UMAD1: variants seen among roughly 807,000 people sequenced by gnomAD.
The protein encoded by UMAD1 is UBAP1-MVB12-associated (UMA)-domain containing protein 1.
In UMAD1, 8 loss-of-function variants were observed where a neutral mutation model predicts 6.1. That is an observed-to-expected ratio of 1.30 (90% CI 0.76 to 2.35). The LOEUF is 2.35. Ranked by LOEUF, UMAD1 falls within the 30% of genes most tolerant of loss-of-function variation. The pLI is 0.00. For missense variants in UMAD1, 130 were observed against 78.4 expected (o/e 1.66, Z -2.49); for synonymous variants, 56 against 31.4 (o/e 1.78, Z -2.61).
intron 2 of UMAD1, chr7:7,736,455 A>G (rs1447339295): frequency 1.3e-5 from 2 of 152,658 alleles, no homozygotes; most frequent in African/African-American, 4.8e-5. Context: ...AGGAGGAGGA[A>G]TTCTTCTTAT....
At chr7:7,658,691 T>C (rs1179890863) in intron 1 of UMAD1, among the ~76,000 whole-genome samples, 1 of 152,218 alleles carries the variant, frequency 6.6e-6, no homozygotes, top group Non-Finnish European at 1.5e-5. Context: ...AGCTATTTGA[T>C]GTGCTGTTGG....
At chr7:7,801,188 C>G (rs1782792242) in intron 2 of UMAD1, among the ~76,000 whole-genome samples, 1 of 152,214 alleles carries the variant, frequency 6.6e-6, no homozygotes, top group East Asian at 1.9e-4. Context: ...TTCTTTCCTG[C>G]TGTAAGGATT....
At chr7:7,675,506 A>T (rs1225546407) in intron 2 of UMAD1, among the ~76,000 whole-genome samples, 1 of 152,170 alleles carries the variant, frequency 6.6e-6, no homozygotes, top group South Asian at 2.1e-4. Flanking sequence ...AGTATTATCT[A>T]CTATGGATCT....
intron 2 of UMAD1, among the ~76,000 whole-genome samples, chr7:7,767,994 A>G (rs1782023219): frequency 6.6e-6 from 1 of 152,304 alleles, no homozygotes; most frequent in East Asian, 1.9e-4. Context: ...ACATGAACAT[A>G]CTGGTTTTTC....
intron 2 of UMAD1, among the ~76,000 whole-genome samples, chr7:7,793,197 A>AT (rs1405233514): frequency 6.6e-6 from 1 of 152,194 alleles, no homozygotes; most frequent in Non-Finnish European, 1.5e-5. Context: ...TTTAATCTTT[A>AT]TAACAGCCTT....
intron 3 of UMAD1, among the ~76,000 whole-genome samples, chr7:7,834,016 C>CTTTTTTTTTTTTTTTTTTTTT (rs4034895): frequency 4.5e-5 from 5 of 110,450 alleles, no homozygotes; most frequent in African/African-American, 1.0e-4. Context: ...TTTTTCTTTT[C>CTTTTTTTTTTTTTTTTTTTTT]TTTTTTTTTT....
chr7:7,747,640 C>T (rs557865040), intron 2 of UMAD1, among the ~76,000 whole-genome samples: 1 of 152,272 alleles, frequency 6.6e-6, no homozygotes, highest in South Asian at 2.1e-4. Flanking sequence ...AGAGGAGTAA[C>T]TCAAAACAGA....
intron 2 of UMAD1, among the ~76,000 whole-genome samples, chr7:7,738,072 AC>A (rs1781394909): frequency 6.6e-6 from 1 of 151,898 alleles, no homozygotes; most frequent in African/African-American, 2.4e-5. Flanking sequence ...GAAGAATGTC[AC>A]TTTAATACAT....
chr7:7,678,795 T>C (rs1779832531), intron 2 of UMAD1, among the ~76,000 whole-genome samples: 1 of 46,064 alleles, frequency 2.2e-5, no homozygotes, highest in South Asian at 6.1e-4. Context: ...ATATATTTAG[T>C]TTATAAATAT....
intron 2 of UMAD1, among the ~76,000 whole-genome samples, chr7:7,702,057 T>C (rs1780475959): frequency 1.3e-5 from 2 of 152,212 alleles, no homozygotes; most frequent in South Asian, 4.1e-4. Context: ...TACAGAAATA[T>C]ATTCACATAT....
chr7:7,773,577 A>G (rs190838967), intron 2 of UMAD1, among the ~76,000 whole-genome samples: 40 of 152,332 alleles, frequency 2.6e-4, no homozygotes, highest in Admixed American at 5.2e-4. Flanking sequence ...ACACAATAAC[A>G]AAACCAAACA....
At chr7:7,741,131 A>G (rs919103892) in intron 2 of UMAD1, 4 of 152,208 alleles carry the variant, frequency 2.6e-5, no homozygotes, top group Admixed American at 6.5e-5. Context: ...GTGCAGTTAC[A>G]TAAACTTCTT....
chr7:7,759,029 T>C (rs1781833422), intron 2 of UMAD1, among the ~76,000 whole-genome samples: 1 of 152,232 alleles, frequency 6.6e-6, no homozygotes. Context: ...ACTAGATCTT[T>C]TCTAGCTCAA....
At chr7:7,804,840 G>C (rs556911398) in intron 3 of UMAD1, among the ~76,000 whole-genome samples, 2 of 151,806 alleles carry the variant, frequency 1.3e-5, no homozygotes, top group Non-Finnish European at 2.9e-5. Context: ...AATTAGCTGG[G>C]CACGGTGGCC....
At chr7:7,727,430 C>A (rs1781161797) in intron 2 of UMAD1, among the ~76,000 whole-genome samples, 2 of 152,030 alleles carry the variant, frequency 1.3e-5, no homozygotes, top group African/African-American at 4.8e-5. Flanking sequence ...TTATTATTGT[C>A]TTTATTTGAA....
chr7:7,775,491 C>T (rs967774348), intron 2 of UMAD1, among the ~76,000 whole-genome samples: 15 of 152,164 alleles, frequency 9.9e-5, no homozygotes, highest in Non-Finnish European at 1.9e-4. Flanking sequence ...GTGCCTTCCG[C>T]CATGATTGTA....
intron 2 of UMAD1, among the ~76,000 whole-genome samples, chr7:7,783,912 C>T (rs1443234685): frequency 1.3e-5 from 2 of 152,110 alleles, no homozygotes; most frequent in African/African-American, 2.4e-5. Flanking sequence ...TAATTCAGTA[C>T]ATTCACCAAA....
chr7:7,768,623 G>A (rs534048586), intron 2 of UMAD1, among the ~76,000 whole-genome samples: 4 of 151,910 alleles, frequency 2.6e-5, no homozygotes, highest in Non-Finnish European at 5.9e-5. Flanking sequence ...CATTTTATTC[G>A]CTCATGTGTT....
intron 1 of UMAD1, among the ~76,000 whole-genome samples, chr7:7,665,787 G>A (rs1779434619): frequency 6.7e-6 from 1 of 150,350 alleles, no homozygotes; most frequent in Non-Finnish European, 1.5e-5. Context: ...GAATCATATA[G>A]TATGAACTTT....
Sources: gnomAD v4.1 joint callset for allele counts (sites outside exome capture counted in the v4.1 genomes callset) on GRCh38, gnomAD v4.1.1 for gene constraint, MANE v1.5 for transcripts, NCBI Gene and HGNC (gene_info 2026-07-23, HGNC 2026-07-21) for gene names.